The following SEMA5B variants were observed in gnomAD, a reference collection of about 807,000 sequenced individuals.
The protein encoded by SEMA5B is semaphorin 5B.
A neutral mutation model predicts 135.0 loss-of-function variants in SEMA5B; 66 were observed. That is an observed-to-expected ratio of 0.49 (90% CI 0.40 to 0.60). SEMA5B has a LOEUF of 0.60. Ranked by LOEUF, SEMA5B falls within the 20% of genes least tolerant of loss-of-function variation. SEMA5B has a pLI of 0.00. For missense variants in SEMA5B, 1,501 were observed against 1,566.3 expected (o/e 0.96, Z 0.70); for synonymous variants, 690 against 639.5 (o/e 1.08, Z -1.19).
intron 1 of SEMA5B, among the ~76,000 whole-genome samples, chr3:123,007,225 G>A (rs967078714): frequency 5.3e-5 from 8 of 152,056 alleles, no homozygotes; most frequent in Admixed American, 5.2e-4. Context: ...TCAGGGTTTT[G>A]CTCTCAGGAG....
At chr3:123,023,407 G>A (rs1942733146) in intron 1 of SEMA5B, among the ~76,000 whole-genome samples, 1 of 151,802 alleles carries the variant, frequency 6.6e-6, no homozygotes, top group Non-Finnish European at 1.5e-5. Flanking sequence ...GCAAAAGATG[G>A]TCCCCAGAAC....
intron 1 of SEMA5B, among the ~76,000 whole-genome samples, chr3:122,990,750 A>C (rs1468407032): frequency 1.3e-5 from 2 of 152,166 alleles, no homozygotes; most frequent in Non-Finnish European, 2.9e-5. Context: ...CAAGAAACTC[A>C]TGAGGCTCTT....
chr3:123,001,221 G>A (rs1942167531), intron 1 of SEMA5B, among the ~76,000 whole-genome samples: 1 of 152,184 alleles, frequency 6.6e-6, no homozygotes, highest in African/African-American at 2.4e-5. Flanking sequence ...AATGACCACA[G>A]CATCCCCACC....
chr3:122,966,722 T>G (rs112723483), intron 1 of SEMA5B, among the ~76,000 whole-genome samples: 78 of 149,866 alleles, frequency 5.2e-4, no homozygotes, highest in Non-Finnish European at 9.0e-4. Context: ...GCCCAGCTAA[T>G]TTTTTGTTTG....
intron 1 of SEMA5B, among the ~76,000 whole-genome samples, chr3:122,984,872 G>A (rs1371307949): frequency 6.6e-6 from 1 of 152,180 alleles, no homozygotes; most frequent in East Asian, 1.9e-4. Context: ...TAAAGGCCCA[G>A]AAAAATCACA....
At chr3:122,964,361 G>A (rs1233567049) in intron 1 of SEMA5B, among the ~76,000 whole-genome samples, 3 of 152,160 alleles carry the variant, frequency 2.0e-5, no homozygotes, top group Non-Finnish European at 4.4e-5. Context: ...GAGGACACAC[G>A]TTTCTTCTGG....
chr3:122,956,865 G>T (rs977505706), intron 2 of SEMA5B, among the ~76,000 whole-genome samples: 1 of 152,146 alleles, frequency 6.6e-6, no homozygotes, highest in Non-Finnish European at 1.5e-5. Flanking sequence ...CTGGGAAAGC[G>T]GGTGACGGGC....
chr3:122,922,858 C>G (rs1038105008), intron 10 of SEMA5B, among the ~76,000 whole-genome samples: 1 of 133,528 alleles, frequency 7.5e-6, no homozygotes. Context: ...CTTATGATTT[C>G]TAAACCAAAG....
intron 1 of SEMA5B, among the ~76,000 whole-genome samples, chr3:123,007,980 G>A (rs1942351022): frequency 6.6e-6 from 1 of 152,198 alleles, no homozygotes; most frequent in South Asian, 2.1e-4. Context: ...CACTGTCAAA[G>A]TATAATTTTC....
chr3:122,927,610 T>G (rs982897997), intron 8 of SEMA5B, among the ~76,000 whole-genome samples, 180 bp downstream of exon 8: 2 of 152,202 alleles, frequency 1.3e-5, no homozygotes, highest in Non-Finnish European at 2.9e-5. Flanking sequence ...TGTGATTTCG[T>G]CTGGGGCCCA....
chr3:122,920,973 TG>T lies in SEMA5B; in HGVS notation c.1688+941del, dbSNP rs1938318618. On this transcript the variant is annotated intron_variant, in intron 12 of 22. Coordinates refer to ENST00000357599, the MANE Select transcript of SEMA5B (RefSeq NM_001031702.4). ...GACTTGTGTTGGGGCTGAAGGGAGCTGGAGTGTCTGCCCTGAGACTCCCCCT... is the reference window on the plus strand; with the variant it reads ...GACTTGTGTTGGGGCTGAAGGGAGCTGAGTGTCTGCCCTGAGACTCCCCCT... 2.6e-5 allele frequency among the ~76,000 whole-genome samples: 4 copies of T among 152,202 alleles called. No homozygotes were observed. The South Asian group carries it at 8.3e-4, about 32-fold the overall frequency.
rs79632798 is a variant in SEMA5B at position 122,948,730 on chromosome 3, C to A, written c.125-21G>T. The A allele has an allele frequency of 1.1e-3, 1,684 of 1,568,238 alleles. 24 individuals carry two copies. The African/African-American group carries it at 0.02, about 19-fold the overall frequency. ...AAGACCTGCAACGTAAACACTCAGT[C>A]TCACCAAGCGCTCCCTCCAACTGGG... is the stretch of plus-strand genomic sequence containing the variant. On this transcript the variant is annotated intron_variant, in intron 2 of 22. Coordinates refer to ENST00000357599, the MANE Select transcript of SEMA5B (RefSeq NM_001031702.4).
chr3:123,004,880 T>C (rs930687099), intron 1 of SEMA5B, among the ~76,000 whole-genome samples: 1 of 152,216 alleles, frequency 6.6e-6, no homozygotes, highest in Non-Finnish European at 1.5e-5. Flanking sequence ...TACTCAGTCT[T>C]TTCTTAAAGT....
At chr3:122,967,654 C>A (rs555958180) in intron 1 of SEMA5B, among the ~76,000 whole-genome samples, 82 of 152,336 alleles carry the variant, frequency 5.4e-4, no homozygotes, top group African/African-American at 1.9e-3. Flanking sequence ...CTCCAGGGCT[C>A]CTCGTGGGAT....
chr3:122,921,094 T>C (rs13088040), intron 12 of SEMA5B, among the ~76,000 whole-genome samples: 18,978 of 152,148 alleles, frequency 0.12, 1,578 homozygotes, highest in East Asian at 0.43. Flanking sequence ...AGAACAGCCC[T>C]GTATCATGGA....
Position 122,952,520 on chromosome 3 carries a change from C to T in SEMA5B, c.125-3811G>A, listed in dbSNP as rs140470033. ...GGGATGATAATAACAACAACAACTTCTTCAGCAGTTGTGAGGAGGAAAGGA... is the reference window on the plus strand; with the variant it reads ...GGGATGATAATAACAACAACAACTTTTTCAGCAGTTGTGAGGAGGAAAGGA... On this transcript the variant is annotated intron_variant, in intron 2 of 22. Transcript: ENST00000357599. Among the ~76,000 whole-genome samples, 397 of 152,370 alleles carry T rather than the reference C, an allele frequency of 2.6e-3. 4 individuals carry two copies. Among genetic ancestry groups the T allele is most frequent in the African/African-American group, 9.0e-3 (373 of 41,588 alleles).
chr3:123,002,212 G>A (rs1270450465), intron 1 of SEMA5B, among the ~76,000 whole-genome samples: 1 of 152,208 alleles, frequency 6.6e-6, no homozygotes, highest in Non-Finnish European at 1.5e-5. Context: ...GCCCTATGCT[G>A]GAGTCAGGTG....
intron 12 of SEMA5B, among the ~76,000 whole-genome samples, chr3:122,920,013 C>G (rs925472529): frequency 2.0e-5 from 3 of 152,202 alleles, no homozygotes; most frequent in African/African-American, 7.2e-5. Flanking sequence ...CCACTGCAGG[C>G]CCCGTTCCTT....
At chr3:123,005,991 G>T (rs1942299622) in intron 1 of SEMA5B, among the ~76,000 whole-genome samples, 1 of 152,182 alleles carries the variant, frequency 6.6e-6, no homozygotes, top group East Asian at 1.9e-4. Context: ...CAACCTCTCT[G>T]AGCCTCAACT....
Sources: allele counts gnomAD v4.1 joint callset (sites outside exome capture counted in the v4.1 genomes callset), GRCh38; gene constraint gnomAD v4.1.1; transcripts MANE v1.5; gene names NCBI Gene and HGNC (gene_info 2026-07-23, HGNC 2026-07-21).